KIF1A: variants seen among roughly 807,000 people sequenced by gnomAD.
The protein encoded by KIF1A is kinesin family member 1A, also known as kinesin-like protein KIF1A.
KIF1A carries 46 observed loss-of-function variants against 227.3 expected under a neutral mutation model. That is an observed-to-expected ratio of 0.20 (90% CI 0.16 to 0.26). KIF1A has a LOEUF of 0.26. KIF1A is among the 10% of genes least tolerant of loss of function. The pLI, the probability that KIF1A is intolerant of heterozygous loss-of-function variation, is 1.00. For synonymous variants in KIF1A, 1,022 were observed against 1,012.8 expected, an observed-to-expected ratio of 1.01 and a Z score of -0.17; for missense variants, 1,683 against 2,485.9, an observed-to-expected ratio of 0.68 and a Z score of 6.87.
rs555749038 is a variant in KIF1A at position 240,761,347 on chromosome 2, G to A, written c.2147C>T (p.Ala716Val). ...VQWTERECEL[A>V]LWAFRKWKWY... is the part of the protein sequence containing the mutation. ...CTTCCACTTCCGGAAGGCCCAGAGC[G>A]CCAGCTCACACTCCCGCTCTGTCCA... is the stretch of plus-strand genomic sequence containing the variant. Residue 716 changes from alanine to valine, a missense_variant, in exon 24 of 49, where the codon GCG becomes GTG. By Grantham distance (64) the Ala-to-Val change is moderately conservative (BLOSUM62 0). Around this residue, in one of 12 missense-constraint regions of KIF1A, gnomAD observed 217 missense variants for 427.0 expected, o/e 0.51. Transcript: ENST00000498729. The A allele has an allele frequency of 3.7e-5, 60 of 1,612,738 alleles. 1 individual carries two copies. Among genetic ancestry groups the A allele is most frequent in the South Asian group, 2.1e-4 (19 of 90,970 alleles).
intron 31 of KIF1A, 40 bp from the exon 32 acceptor site, chr2:240,745,557 C>A: frequency 6.4e-7 from 1 of 1,559,910 alleles, no homozygotes; most frequent in Non-Finnish European, 8.8e-7. Flanking sequence ...GGGTGGGGGA[C>A]TTGGGATGAG....
At position 240,790,441 on chromosome 2, in the gene KIF1A, G is replaced by A. The variant is rs1559533289; in HGVS notation, c.107-1129C>T. ...TTTCCTCAGCCAGCGTGGGCTGGGG[G>A]CCAGCGGCACAGCCTCCAGTATGCC... On this transcript the variant is annotated intron_variant, in intron 2 of 48. Transcript: ENST00000498729. The surrounding 1 kb of genome is among the most constrained non-coding windows in gnomAD (Gnocchi z 5.0). 6.6e-6 allele frequency among the ~76,000 whole-genome samples: 1 copy of A among 152,018 alleles called. No individual in the cohort carries two copies. The highest frequency in any genetic ancestry group is 2.1e-4 in the South Asian group (1 of 4,824).
At chr2:240,810,706 C>A in intron 1 of KIF1A, among the ~76,000 whole-genome samples, 1 of 152,192 alleles carries the variant, frequency 6.6e-6, no homozygotes, top group Non-Finnish European at 1.5e-5. Context: ...TTCAAACACA[C>A]AAGCAGCACT....
At position 240,741,248 on chromosome 2, in the gene KIF1A, GGCCCCA is replaced by G; in HGVS notation, c.3749+15_3749+20del. 6.5e-7 allele frequency: 1 copy of G among 1,543,626 alleles called. No individual in the cohort carries two copies. The highest frequency in any genetic ancestry group is 1.2e-5 in the South Asian group (1 of 85,020). On this transcript the variant is annotated intron_variant, in intron 35 of 48. Coordinates refer to ENST00000498729, the MANE Select transcript of KIF1A (RefSeq NM_001244008.2). The stretch of plus-strand genomic sequence containing the variant: ...CCCCGACACACACTCACGCCCTGGG[GGCCCCA>G]GCACCAGCACTCACTCGCCGTTGGC...
At chr2:240,764,879 C>T (rs1241082710) in intron 20 of KIF1A, among the ~76,000 whole-genome samples, 1 of 152,202 alleles carries the variant, frequency 6.6e-6, no homozygotes, top group African/African-American at 2.4e-5. Flanking sequence ...GGAGTCCACT[C>T]CTGCCAAGTT....
chr2:240,789,636 G>T lies in KIF1A; in HGVS notation c.107-324C>A, dbSNP rs1407355455. On this transcript the variant is annotated intron_variant, in intron 2 of 48. Transcript: ENST00000498729. This position sits in a 1 kb window ranked among gnomAD's most constrained non-coding sequence, Gnocchi z 4.8. ...GGATCCTTCCCACCTGCAAGCTGCGGCCCCTCCATCTCTGGTGTCCACCTT... is the reference window on the plus strand; with the variant it reads ...GGATCCTTCCCACCTGCAAGCTGCGTCCCCTCCATCTCTGGTGTCCACCTT... 6.6e-6 allele frequency among the ~76,000 whole-genome samples: 1 copy of T among 152,184 alleles called. No homozygotes were observed. Among genetic ancestry groups the T allele is most frequent in the Non-Finnish European group, 1.5e-5 (1 of 68,022 alleles).
At chr2:240,735,744 G>C (rs2047235929) in intron 38 of KIF1A, among the ~76,000 whole-genome samples, 1 of 152,180 alleles carries the variant, frequency 6.6e-6, no homozygotes, top group Admixed American at 6.5e-5. Context: ...TCTCATGGCG[G>C]CAGGAGAAGC....
At chr2:240,730,912 C>T (rs945263653) in intron 38 of KIF1A, among the ~76,000 whole-genome samples, 7 of 152,210 alleles carry the variant, frequency 4.6e-5, no homozygotes, top group Admixed American at 1.3e-4. Context: ...TGAGCCTGCT[C>T]TGTAGCCTCT....
chr2:240,798,729 C>A (rs182407663), intron 1 of KIF1A, among the ~76,000 whole-genome samples: 79 of 152,318 alleles, frequency 5.2e-4, no homozygotes, highest in African/African-American at 1.9e-3. Context: ...GCTGCTTCCC[C>A]GTGGGACTTG....
At chr2:240,722,341 G>C in intron 43 of KIF1A, 115 bp downstream of exon 43, 1 of 966,198 alleles carries the variant, frequency 1.0e-6, no homozygotes, top group Non-Finnish European at 1.5e-6. Flanking sequence ...CTAGCTCCTG[G>C]TGGTGCTAAC....
chr2:240,761,974 A>T (rs1290771065), intron 23 of KIF1A, among the ~76,000 whole-genome samples: 2 of 152,084 alleles, frequency 1.3e-5, no homozygotes, highest in Non-Finnish European at 2.9e-5. Context: ...CCCTTGAGAG[A>T]AGGACAAGCA....
chr2:240,786,767 CCACCATCAGGACCCCTGAGTGAGGGGGT>C (rs2054917467), intron 5 of KIF1A, among the ~76,000 whole-genome samples: 1 of 117,694 alleles, frequency 8.5e-6, no homozygotes, highest in African/African-American at 3.7e-5. Flanking sequence ...AGGGTAGGGG[CCACCATCAGGACCCCTGAGTGAGGGGGT>C]GGGGGCTGCC....
chr2:240,728,787 C>G (rs1174380159), intron 38 of KIF1A, among the ~76,000 whole-genome samples: 1 of 152,218 alleles, frequency 6.6e-6, no homozygotes, highest in African/African-American at 2.4e-5. Context: ...GCAGCCTGGC[C>G]TGGAACAAGT....
chr2:240,788,353 G>C lies in KIF1A; in HGVS notation c.184-123C>G. ...GTGCCAGGGCAGCACAGTGGGGAGGGATGCCTGCCCCCCATCCTACTCCTG... is the reference window on the plus strand; with the variant it reads ...GTGCCAGGGCAGCACAGTGGGGAGGCATGCCTGCCCCCCATCCTACTCCTG... On this transcript the variant is annotated intron_variant, in intron 3 of 48. Transcript: ENST00000498729. This position sits in a 1 kb window ranked among gnomAD's most constrained non-coding sequence, Gnocchi z 6.6. 2.4e-6 allele frequency: 2 copies of C among 830,726 alleles called. No individual in the cohort carries two copies. Among genetic ancestry groups the C allele is most frequent in the Non-Finnish European group, 3.9e-6 (2 of 510,476 alleles). The allele number at this position is 830,726 out of a possible 1,614,324, so 51.5% of individuals were successfully genotyped here. A position where few individuals can be genotyped will look rare whatever the true frequency, so the allele number is the denominator to read the frequency against.
Position 240,774,274 on chromosome 2 carries a change from G to A in KIF1A, c.959-13C>T. ...CTTGAGTTACCGCCTGTGGGAAGAAGACCAGGTTGTGCCCAGAGGGGGATC... is the reference window on the plus strand; with the variant it reads ...CTTGAGTTACCGCCTGTGGGAAGAAAACCAGGTTGTGCCCAGAGGGGGATC... On this transcript the variant is annotated splice_polypyrimidine_tract_variant and intron_variant, in intron 11 of 48. Transcript: ENST00000498729. 3 of 1,599,134 alleles carry A rather than the reference G, an allele frequency of 1.9e-6. No homozygotes were observed. The highest frequency in any genetic ancestry group is 2.6e-6 in the Non-Finnish European group (3 of 1,167,204).
chr2:240,760,930 G>A, intron 24 of KIF1A, 87 bp from the exon 25 acceptor site: 1 of 1,287,158 alleles, frequency 7.8e-7, no homozygotes, highest in Non-Finnish European at 1.1e-6. Flanking sequence ...ACCTTCTGGA[G>A]ATTTCAGCTG....
chr2:240,793,409 G>T lies in KIF1A; in HGVS notation c.107-4097C>A, dbSNP rs1234746776. Reference sequence around the variant, plus strand: ...ACACAGCGAGTAAGTCATGAGCACAGCCAGGCCCCTCACTCCAGGAACTCA... The same window carrying T: ...ACACAGCGAGTAAGTCATGAGCACATCCAGGCCCCTCACTCCAGGAACTCA... On this transcript the variant is annotated intron_variant, in intron 2 of 48. Coordinates refer to ENST00000498729, the MANE Select transcript of KIF1A (RefSeq NM_001244008.2). This position sits in a 1 kb window ranked among gnomAD's most constrained non-coding sequence, Gnocchi z 4.8. Among the ~76,000 whole-genome samples, 1 of 152,214 alleles carries T rather than the reference G, an allele frequency of 6.6e-6. No individual in the cohort carries two copies. The highest frequency in any genetic ancestry group is 2.4e-5 in the African/African-American group (1 of 41,464).
intron 1 of KIF1A, among the ~76,000 whole-genome samples, chr2:240,814,655 G>A (rs1023266426): frequency 3.9e-5 from 6 of 152,202 alleles, no homozygotes; most frequent in South Asian, 2.1e-4. Flanking sequence ...GGCTGGGCGC[G>A]GTGGCTCATA....
Position 240,790,703 on chromosome 2 carries a change from AGAG to A in KIF1A, c.107-1394_107-1392del, listed in dbSNP as rs1396789817. On this transcript the variant is annotated intron_variant, in intron 2 of 48. Transcript: ENST00000498729. The surrounding 1 kb of genome is among the most constrained non-coding windows in gnomAD (Gnocchi z 5.0). The stretch of plus-strand genomic sequence containing the variant: ...TCTAGTGCTGCCATGTCCTTATAAA[AGAG>A]GAGATTTGGAGACAGGGAGGGTGCC... Among the ~76,000 whole-genome samples the A allele has an allele frequency of 2.0e-5, 3 of 152,110 alleles. No homozygotes were observed.
Sources: allele counts gnomAD v4.1 joint callset (sites outside exome capture counted in the v4.1 genomes callset), GRCh38; gene constraint gnomAD v4.1.1; regional missense constraint gnomAD v4.1.1; non-coding constraint Gnocchi (gnomAD v3.1); transcripts MANE v1.5; gene names NCBI Gene and HGNC (gene_info 2026-07-23, HGNC 2026-07-21).